The following PTPRJ variants were observed in gnomAD, a reference collection of about 807,000 sequenced individuals.
PTPRJ encodes the protein protein tyrosine phosphatase receptor type J.
PTPRJ carries 129 observed loss-of-function variants against 141.3 expected under a neutral mutation model. That is an observed-to-expected ratio of 0.91 (90% CI 0.79 to 1.06). The LOEUF (loss-of-function observed/expected upper bound fraction) is 1.06. PTPRJ is among the 50% of genes least tolerant of loss of function. The pLI, the probability that PTPRJ is intolerant of heterozygous loss-of-function variation, is 0.00. For synonymous variants in PTPRJ, 610 were observed against 640.5 expected, an observed-to-expected ratio of 0.95 and a Z score of 0.72; for missense variants, 1,601 against 1,679.7, an observed-to-expected ratio of 0.95 and a Z score of 0.82.
At chr11:48,067,087 G>A (rs989778557) in intron 1 of PTPRJ, among the ~76,000 whole-genome samples, 4 of 152,204 alleles carry the variant, frequency 2.6e-5, no homozygotes, top group Non-Finnish European at 5.9e-5. Context: ...AACCTGCAGT[G>A]GGGAATACAG....
intron 1 of PTPRJ, among the ~76,000 whole-genome samples, chr11:48,096,043 C>T (rs940318240): frequency 6.6e-6 from 1 of 152,240 alleles, no homozygotes; most frequent in Non-Finnish European, 1.5e-5. Flanking sequence ...GACTCAAACT[C>T]AGCCCTGACT....
At chr11:48,021,425 T>TGG (rs1855121614) in intron 1 of PTPRJ, among the ~76,000 whole-genome samples, 1 of 146,214 alleles carries the variant, frequency 6.8e-6, no homozygotes, top group East Asian at 2.0e-4. Flanking sequence ...ATAAATAAAA[T>TGG]AAAATAAAAT....
intron 1 of PTPRJ, among the ~76,000 whole-genome samples, chr11:48,070,055 T>G (rs1008837401): frequency 2.0e-5 from 3 of 152,202 alleles, no homozygotes; most frequent in African/African-American, 7.2e-5. Context: ...ATTCACCATA[T>G]CTCAATAAGC....
chr11:48,106,735 TTTC>T (rs1253348666), intron 1 of PTPRJ, among the ~76,000 whole-genome samples: 1 of 151,488 alleles, frequency 6.6e-6, no homozygotes, highest in African/African-American at 2.4e-5. Context: ...GTTTCTTTTT[TTTC>T]TTCTTTTCTT....
In PTPRJ at chr11:48,167,408, A is replaced by C; in HGVS notation, c.*46A>C. 1.3e-6 allele frequency: 2 copies of C among 1,578,796 alleles called. No individual in the cohort carries two copies. ...TGGAGTGAACCAGACCGTCGCACCC[A>C]CAGCGAAGGCACATGCCCCGATGTC... On this transcript the variant is annotated 3_prime_UTR_variant, in exon 25 of 25. Transcript: ENST00000418331.
At chr11:48,153,938 C>A in intron 19 of PTPRJ, 52 bp downstream of exon 19, 2 of 1,266,568 alleles carry the variant, frequency 1.6e-6, no homozygotes, top group Non-Finnish European at 2.3e-6. Flanking sequence ...GTGGCCATCA[C>A]ATCTCTAAGT....
At chr11:48,063,518 A>G (rs1188691918) in intron 1 of PTPRJ, among the ~76,000 whole-genome samples, 1 of 152,220 alleles carries the variant, frequency 6.6e-6, no homozygotes, top group Non-Finnish European at 1.5e-5. Context: ...TTCCCTGCTC[A>G]GTTCTCATTA....
intron 1 of PTPRJ, among the ~76,000 whole-genome samples, chr11:48,032,161 G>C (rs1854001435): frequency 6.6e-6 from 1 of 152,178 alleles, no homozygotes; most frequent in South Asian, 2.1e-4. Flanking sequence ...TCAGTTCTCA[G>C]TGTGTCTTTT....
rs546455271 is a variant in PTPRJ at position 48,047,492 on chromosome 11, A to G, written c.97-62566A>G. Among the ~76,000 whole-genome samples the G allele has an allele frequency of 1.1e-3, 143 of 130,332 alleles. 1 individual carries two copies. Among genetic ancestry groups the G allele is most frequent in the African/African-American group, 3.9e-3 (141 of 36,620 alleles). 85.5% of individuals were successfully genotyped at this position (130,332 alleles called of 152,430 possible). A position where few individuals can be genotyped will look rare whatever the true frequency, so the allele number is the denominator to read the frequency against. Reference sequence around the variant, plus strand: ...TCAAATTTGTTGTCAACATTAACCTATGGTAATTTTTTTTTTTTTTCTTTT... The same window carrying G: ...TCAAATTTGTTGTCAACATTAACCTGTGGTAATTTTTTTTTTTTTTCTTTT... On this transcript the variant is annotated intron_variant, in intron 1 of 24. Transcript: ENST00000418331.
At chr11:48,092,690 A>G (rs1855902984) in intron 1 of PTPRJ, among the ~76,000 whole-genome samples, 1 of 152,182 alleles carries the variant, frequency 6.6e-6, no homozygotes, top group African/African-American at 2.4e-5. Context: ...TCAGCCTCCC[A>G]AAGTGCTGGG....
Position 48,156,098 on chromosome 11 carries a change from TA to T in PTPRJ, c.3420del (p.Lys1140AsnfsTer25). The T allele has an allele frequency of 1.3e-6, 2 of 1,595,050 alleles. No individual in the cohort carries two copies. The highest frequency in any genetic ancestry group is 1.3e-5 in the African/African-American group (1 of 74,596). On this transcript the variant is annotated frameshift_variant, in exon 21 of 25. Transcript: ENST00000418331. LOFTEE classifies it high-confidence loss of function. ...KNVYAIIMLT[K>X]CVEQGRTKCE... ...ATGTATATGCCATCATTATGTTGAC[TA>T]AATGTGTTGAACAGGGAAGAGTAAG...
chr11:48,125,802 A>G (rs1856816041), intron 6 of PTPRJ, among the ~76,000 whole-genome samples: 1 of 152,218 alleles, frequency 6.6e-6, no homozygotes, highest in Non-Finnish European at 1.5e-5. Flanking sequence ...CATTGGTGAG[A>G]AGCCATTCTG....
chr11:48,019,346 A>C (rs1855044817), intron 1 of PTPRJ, among the ~76,000 whole-genome samples: 1 of 151,858 alleles, frequency 6.6e-6, no homozygotes, highest in Non-Finnish European at 1.5e-5. Context: ...ACTTCACTAG[A>C]ATCTGCCCCT....
intron 8 of PTPRJ, among the ~76,000 whole-genome samples, chr11:48,134,939 C>T (rs1352159486): frequency 6.6e-6 from 1 of 152,148 alleles, no homozygotes; most frequent in Non-Finnish European, 1.5e-5. Context: ...TTCAGTTTTC[C>T]TCTTTGGTAT....
At chr11:48,095,921 C>T (rs992393092) in intron 1 of PTPRJ, among the ~76,000 whole-genome samples, 34 of 152,144 alleles carry the variant, frequency 2.2e-4, no homozygotes, top group Non-Finnish European at 1.0e-4. Flanking sequence ...GAAGTTCTTT[C>T]CTGCCACAGC....
chr11:48,122,824 T>C (rs913950299), intron 4 of PTPRJ, among the ~76,000 whole-genome samples: 1 of 152,222 alleles, frequency 6.6e-6, no homozygotes, highest in African/African-American at 2.4e-5. Context: ...CCGATGTCTT[T>C]ACCTTCAGGC....
At chr11:48,111,280 C>CCA in intron 2 of PTPRJ, among the ~76,000 whole-genome samples, 1 of 67,252 alleles carries the variant, frequency 1.5e-5, no homozygotes, top group Admixed American at 2.3e-4. Flanking sequence ...AACTCCATCT[C>CCA]AAAAAAAAAA....
chr11:48,122,672 G>A (rs2870080), intron 4 of PTPRJ, among the ~76,000 whole-genome samples: 70,659 of 152,116 alleles, frequency 0.46, 19,627 homozygotes, highest in Admixed American at 0.59. Flanking sequence ...TCACCGAGCT[G>A]GGAATTTATT....
intron 1 of PTPRJ, among the ~76,000 whole-genome samples, chr11:48,073,293 A>C (rs1855309793): frequency 6.6e-6 from 1 of 152,230 alleles, no homozygotes; most frequent in Admixed American, 6.5e-5. Context: ...AAATGTGGGC[A>C]TCCCACATGA....
Sources: gnomAD v4.1 joint callset for allele counts (sites outside exome capture counted in the v4.1 genomes callset) on GRCh38, gnomAD v4.1.1 for gene constraint, MANE v1.5 for transcripts, NCBI Gene and HGNC (gene_info 2026-07-23, HGNC 2026-07-21) for gene names.